The following PCDH9 variants were observed in gnomAD, a reference collection of about 807,000 sequenced individuals.
PCDH9 encodes the protein protocadherin-9.
A neutral mutation model predicts 70.6 loss-of-function variants in PCDH9; 24 were observed. The ratio of observed to expected loss-of-function variants is 0.34; its 90% CI spans 0.25 to 0.48. The LOEUF (loss-of-function observed/expected upper bound fraction) is 0.48. Among genes scored for constraint, PCDH9 ranks in the 20% least tolerant of loss-of-function variants. The probability of loss-of-function intolerance (pLI) is 0.99; values close to 1 mark genes in which losing one functional copy is unlikely to be tolerated. For synonymous variants in PCDH9, 562 were observed against 558.5 expected (o/e 1.01, Z -0.09); for missense variants, 1,281 against 1,503.6 (o/e 0.85, Z 2.45).
At chr13:66,775,779 G>T (rs982397401) in intron 3 of PCDH9, among the ~76,000 whole-genome samples, 7 of 152,076 alleles carry the variant, frequency 4.6e-5, no homozygotes, top group Non-Finnish European at 1.0e-4. Context: ...AGTGAAGTTT[G>T]GGGGGAGTCA....
intron 2 of PCDH9, among the ~76,000 whole-genome samples, chr13:67,188,394 T>C (rs920108670): frequency 7.9e-5 from 12 of 152,178 alleles, no homozygotes; most frequent in African/African-American, 2.9e-4. Context: ...TTGGTACTTT[T>C]ATCTTGACAA....
At chr13:66,499,457 G>A (rs1180752775) in intron 4 of PCDH9, among the ~76,000 whole-genome samples, 1 of 152,154 alleles carries the variant, frequency 6.6e-6, no homozygotes, top group African/African-American at 2.4e-5. Context: ...AACTAGCTAT[G>A]TGACCTGCAC....
At chr13:66,620,931 T>A (rs564720181) in intron 4 of PCDH9, among the ~76,000 whole-genome samples, 8 of 152,336 alleles carry the variant, frequency 5.3e-5, no homozygotes, top group Non-Finnish European at 8.8e-5. Context: ...TACTACCTAG[T>A]ACATAATTGA....
chr13:67,029,006 A>T (rs1394769450), intron 2 of PCDH9, among the ~76,000 whole-genome samples: 1 of 152,200 alleles, frequency 6.6e-6, no homozygotes, highest in East Asian at 1.9e-4. Flanking sequence ...ATTTTGAATA[A>T]ATTCTTAATG....
chr13:66,845,877 A>T (rs2081199152), intron 3 of PCDH9, among the ~76,000 whole-genome samples: 1 of 152,214 alleles, frequency 6.6e-6, no homozygotes, highest in Non-Finnish European at 1.5e-5. Context: ...ACTACTAATA[A>T]TAAATAGTTA....
chr13:66,719,053 C>T (rs922401618), intron 3 of PCDH9, among the ~76,000 whole-genome samples: 1 of 152,114 alleles, frequency 6.6e-6, no homozygotes, highest in African/African-American at 2.4e-5. Context: ...TTAATATGGG[C>T]TAATGTATTT....
chr13:66,348,824 T>G (rs1164746707), intron 4 of PCDH9, among the ~76,000 whole-genome samples: 1 of 152,128 alleles, frequency 6.6e-6, no homozygotes, highest in Middle Eastern at 3.2e-3. Flanking sequence ...ACATTTGACT[T>G]TTATGTTCAA....
At chr13:67,206,374 C>G (rs542093134) in intron 2 of PCDH9, 2 of 152,076 alleles carry the variant, frequency 1.3e-5, no homozygotes, top group African/African-American at 2.4e-5. Context: ...CCATATTGGC[C>G]AGGCTGGTCT....
At chr13:66,738,216 C>A (rs1434993951) in intron 3 of PCDH9, among the ~76,000 whole-genome samples, 1 of 151,624 alleles carries the variant, frequency 6.6e-6, no homozygotes, top group African/African-American at 2.4e-5. Flanking sequence ...TGGGAGGCAC[C>A]CCCCAGCAGG....
At chr13:66,462,359 G>A (rs1480411410) in intron 4 of PCDH9, among the ~76,000 whole-genome samples, 3 of 151,936 alleles carry the variant, frequency 2.0e-5, no homozygotes, top group Admixed American at 6.6e-5. Flanking sequence ...TTAAAGTGCC[G>A]TTATCAGAAA....
intron 4 of PCDH9, among the ~76,000 whole-genome samples, chr13:66,384,457 T>A (rs983069770): frequency 6.6e-6 from 1 of 152,174 alleles, no homozygotes; most frequent in Non-Finnish European, 1.5e-5. Flanking sequence ...CTTGATACAC[T>A]TACACATAAT....
chr13:67,053,590 G>A (rs1279908665), intron 2 of PCDH9, among the ~76,000 whole-genome samples: 1 of 152,084 alleles, frequency 6.6e-6, no homozygotes, highest in African/African-American at 2.4e-5. Context: ...ATCTCAAAAG[G>A]AGTGACTTTA....
At chr13:67,049,543 G>A (rs953023605) in intron 2 of PCDH9, among the ~76,000 whole-genome samples, 14 of 152,176 alleles carry the variant, frequency 9.2e-5, no homozygotes, top group African/African-American at 3.4e-4. Flanking sequence ...AGGCATATAT[G>A]TATATATCAA....
chr13:66,349,035 G>T (rs1212077222), intron 4 of PCDH9, among the ~76,000 whole-genome samples: 2 of 152,088 alleles, frequency 1.3e-5, no homozygotes, highest in Admixed American at 6.6e-5. Flanking sequence ...GAAGTATCTA[G>T]AAAATAGATT....
At chr13:67,153,949 A>T (rs1414242280) in intron 2 of PCDH9, among the ~76,000 whole-genome samples, 1 of 152,220 alleles carries the variant, frequency 6.6e-6, no homozygotes, top group East Asian at 1.9e-4. Flanking sequence ...CACAAAATGA[A>T]TATACGTGTA....
At chr13:66,353,983 C>T (rs773895143) in intron 4 of PCDH9, among the ~76,000 whole-genome samples, 5 of 152,162 alleles carry the variant, frequency 3.3e-5, no homozygotes, top group Non-Finnish European at 7.4e-5. Context: ...TCTAACAGCA[C>T]ATTAGAGCTC....
chr13:67,023,685 C>T (rs1356618858), intron 2 of PCDH9, among the ~76,000 whole-genome samples: 2 of 152,064 alleles, frequency 1.3e-5, no homozygotes, highest in African/African-American at 4.8e-5. Context: ...CTTTCCGAAG[C>T]TCCTGAATGG....
intron 2 of PCDH9, among the ~76,000 whole-genome samples, chr13:67,171,033 A>G (rs2088270377): frequency 6.6e-6 from 1 of 152,186 alleles, no homozygotes; most frequent in East Asian, 1.9e-4. Flanking sequence ...TCAAAGGGTG[A>G]TGTCATAAAG....
intron 2 of PCDH9, among the ~76,000 whole-genome samples, chr13:66,957,180 T>C (rs2083277188): frequency 6.6e-6 from 1 of 152,236 alleles, no homozygotes; most frequent in South Asian, 2.1e-4. Flanking sequence ...CACATCACAC[T>C]ATTGACTAAT....
Sources: gnomAD v4.1 joint callset for allele counts (sites outside exome capture counted in the v4.1 genomes callset) on GRCh38, gnomAD v4.1.1 for gene constraint, MANE v1.5 for transcripts, NCBI Gene and HGNC (gene_info 2026-07-23, HGNC 2026-07-21) for gene names.